The following TNNI1 variants were observed in gnomAD, a reference collection of about 807,000 sequenced individuals.
TNNI1 encodes the protein troponin I1, slow skeletal type.
TNNI1 carries 14 observed loss-of-function variants against 26.7 expected under a neutral mutation model. The ratio of observed to expected loss-of-function variants is 0.52; its 90% CI spans 0.35 to 0.82. The LOEUF (loss-of-function observed/expected upper bound fraction) is 0.82, where lower values mean the gene tolerates loss of function less well. Among genes scored for constraint, TNNI1 ranks in the 40% least tolerant of loss-of-function variants. The pLI, the probability that TNNI1 is intolerant of heterozygous loss-of-function variation, is 0.01. For missense variants in TNNI1, 164 were observed against 257.0 expected (o/e 0.64, Z 2.47); for synonymous variants, 79 against 98.2 (o/e 0.80, Z 1.16).
rs1293209850 is a variant in TNNI1, at chr1:201,411,655, G to A, written c.280-122C>T. ...ACACCTTAAATTGTCCACCCTTGAA[G>A]CCAGACCTATCAGCAGTCACCAACC... is the stretch of plus-strand genomic sequence containing the variant. On this transcript the variant is annotated intron_variant, in intron 6 of 8. Transcript: ENST00000361379. This position sits in a 1 kb window ranked among gnomAD's most constrained non-coding sequence, Gnocchi z 4.6. The A allele has an allele frequency of 9.5e-7, 1 of 1,055,622 alleles. No homozygotes were observed. Among genetic ancestry groups the A allele is most frequent in the Non-Finnish European group, 1.3e-6 (1 of 773,840 alleles). 65.4% of individuals were successfully genotyped at this position (1,055,622 alleles called of 1,614,324 possible).
At chr1:201,419,553 T>C (rs1205705336) in intron 1 of TNNI1, among the ~76,000 whole-genome samples, 1 of 152,298 alleles carries the variant, frequency 6.6e-6, no homozygotes, top group African/African-American at 2.4e-5. Context: ...AACCTTGTTG[T>C]GGGGTCTGGG....
chr1:201,421,301 T>A (rs1015703094), intron 1 of TNNI1, among the ~76,000 whole-genome samples: 3 of 152,070 alleles, frequency 2.0e-5, no homozygotes, highest in Non-Finnish European at 4.4e-5. Context: ...GGCTCTCTGA[T>A]CCCAGGGCCA....
rs199944928 is a variant in TNNI1, at chr1:201,411,510, C to T, written c.303G>A (p.Val101=). 6.2e-6 allele frequency: 10 copies of T among 1,605,972 alleles called. No individual in the cohort carries two copies. Among genetic ancestry groups the T allele is most frequent in the Non-Finnish European group, 8.5e-7 (1 of 1,176,702 alleles). Reference sequence around the variant, plus strand: ...GCTTGAACTTCCCACGGAGGTCCATCACCTTCAGCTTCAGGTCCTTAATCT... The same window carrying T: ...GCTTGAACTTCCCACGGAGGTCCATTACCTTCAGCTTCAGGTCCTTAATCT... The part of the protein sequence containing the change: ...TREIKDLKLK[V]MDLRGKFKRP... The change falls in exon 7 of 9, where the codon GTG becomes GTA. Residue 101 remains valine (V), a synonymous_variant. Transcript: ENST00000361379. The surrounding 1 kb of genome is among the most constrained non-coding windows in gnomAD (Gnocchi z 4.6).
chr1:201,414,496 C>G (rs770361157), intron 5 of TNNI1, 22 bp downstream of exon 5: 1 of 1,551,266 alleles, frequency 6.4e-7, no homozygotes, highest in Non-Finnish European at 8.7e-7. Flanking sequence ...CCACCCTGCC[C>G]CGCCCCACCT....
chr1:201,414,487 C>A, intron 5 of TNNI1, 31 bp downstream of exon 5: 2 of 1,523,854 alleles, frequency 1.3e-6, no homozygotes, highest in Middle Eastern at 2.3e-4. Context: ...CCTCCAGCCC[C>A]ACCCTGCCCC....
At chr1:201,412,228 C>T (rs1030873612) in intron 6 of TNNI1, among the ~76,000 whole-genome samples, 5 of 152,198 alleles carry the variant, frequency 3.3e-5, no homozygotes, top group Non-Finnish European at 7.3e-5. Flanking sequence ...CTGCTTCTAA[C>T]TTATTCCTCC....
Position 201,413,113 on chromosome 1 carries a change from G to C in TNNI1, c.198C>G (p.Cys66Trp). The C allele has an allele frequency of 2.5e-6, 4 of 1,613,984 alleles. No homozygotes were observed. Among genetic ancestry groups the C allele is most frequent in the Non-Finnish European group, 3.4e-6 (4 of 1,179,934 alleles). Residue 66 changes from cysteine (C) to tryptophan (W), a missense_variant, in exon 6 of 9, where the codon TGC becomes TGG. Cys to Trp is a radical substitution (Grantham distance 215). Transcript: ENST00000361379. ...CCTCCACCTTGGCGTGCAGCTCCCG[G>C]CACAGGTCCTGGGGGCCGCAGATGG... The part of the protein sequence containing the change: ...GLSLSALQDL[C>W]RELHAKVEVV...
rs184887308 is a variant in TNNI1 at position 201,418,747 on chromosome 1, G to A, written c.-19-935C>T. ...TAAGCCGCAAGGCAGGGCAAATCCC[G>A]TGTTCACCCTAGTCTGTCTTTCCCC... On this transcript the variant is annotated intron_variant, in intron 1 of 8. Transcript: ENST00000361379. Among the ~76,000 whole-genome samples, 16 of 152,316 alleles carry A rather than the reference G, an allele frequency of 1.1e-4. No individual in the cohort carries two copies. In the East Asian group the frequency reaches 1.2e-3, roughly 11 times the overall value.
intron 5 of TNNI1, 76 bp from the exon 6 acceptor site, chr1:201,413,197 TC>T: frequency 6.5e-7 from 1 of 1,534,832 alleles, no homozygotes; most frequent in African/African-American, 1.4e-5. Flanking sequence ...CTTGACCCTC[TC>T]CCCAGCCCCT....
In TNNI1 at chr1:201,411,304, A is replaced by G; in HGVS notation, c.456+53T>C. On this transcript the variant is annotated intron_variant, in intron 7 of 8. Transcript: ENST00000361379. The surrounding 1 kb of genome is among the most constrained non-coding windows in gnomAD (Gnocchi z 4.6). ...CCTGAGGCCATGTGAGGGGTTGACA[A>G]GGGGAAAGCTGGTAGGGCAGAGGGT... is the stretch of plus-strand genomic sequence containing the variant. The G allele has an allele frequency of 6.3e-7, 1 of 1,596,774 alleles. No individual in the cohort carries two copies. The highest frequency in any genetic ancestry group is 1.8e-5 in the Admixed American group (1 of 57,044).
At position 201,411,288 on chromosome 1, in the gene TNNI1, A is replaced by G; in HGVS notation, c.456+69T>C. ...GGAGCTCCTGGGCCAGCCTGAGGCC[A>G]TGTGAGGGGTTGACAAGGGGAAAGC... On this transcript the variant is annotated intron_variant, in intron 7 of 8. Coordinates refer to ENST00000361379, the MANE Select transcript of TNNI1 (RefSeq NM_003281.4). This position sits in a 1 kb window ranked among gnomAD's most constrained non-coding sequence, Gnocchi z 4.6. The G allele has an allele frequency of 6.4e-7, 1 of 1,565,630 alleles. No homozygotes were observed. Among genetic ancestry groups the G allele is most frequent in the Admixed American group, 1.8e-5 (1 of 55,938 alleles).
Position 201,406,488 on chromosome 1 carries a change from A to T in TNNI1, c.*2765T>A, listed in dbSNP as rs1354143617. 6.6e-6 allele frequency: 1 copy of T among 152,268 alleles called. No homozygotes were observed. Among genetic ancestry groups the T allele is most frequent in the Non-Finnish European group, 1.5e-5 (1 of 68,078 alleles). The allele number at this position is 152,268 out of a possible 1,614,324, so 9.4% of individuals were successfully genotyped here. A position where few individuals can be genotyped will look rare whatever the true frequency, so the allele number is the denominator to read the frequency against. On this transcript the variant is annotated 3_prime_UTR_variant, in exon 9 of 9. Transcript: ENST00000361379. ...GTTTTCCCCACTGTACCATGAGAAT[A>T]GTAGCTGTACCTTTCTCCTAGGGTT...
chr1:201,411,327 G>A lies in TNNI1; in HGVS notation c.456+30C>T. On this transcript the variant is annotated intron_variant, in intron 7 of 8. Coordinates refer to ENST00000361379, the MANE Select transcript of TNNI1 (RefSeq NM_003281.4). This position sits in a 1 kb window ranked among gnomAD's most constrained non-coding sequence, Gnocchi z 4.6. ...CAAGGGGAAAGCTGGTAGGGCAGAG[G>A]GTGGAATGTTCTGAGGAAAGGGACC... 1 of 1,610,172 alleles carries A rather than the reference G, an allele frequency of 6.2e-7. No homozygotes were observed. Among genetic ancestry groups the A allele is most frequent in the Non-Finnish European group, 8.5e-7 (1 of 1,178,368 alleles).
chr1:201,418,693 G>A (rs887913301), intron 1 of TNNI1, among the ~76,000 whole-genome samples: 2 of 152,164 alleles, frequency 1.3e-5, no homozygotes, highest in Non-Finnish European at 2.9e-5. Flanking sequence ...TCCAGGGTGG[G>A]GCAGTGGGAG....
At chr1:201,419,183 G>A (rs145723204) in intron 1 of TNNI1, among the ~76,000 whole-genome samples, 2 of 152,354 alleles carry the variant, frequency 1.3e-5, no homozygotes, top group Non-Finnish European at 2.9e-5. Context: ...GGCTCCCATA[G>A]CAGCCCTCTG....
intron 1 of TNNI1, among the ~76,000 whole-genome samples, chr1:201,419,574 T>A (rs111312957): frequency 0.023 from 3,556 of 152,194 alleles, 141 homozygotes; most frequent in African/African-American, 0.081. Flanking sequence ...AAGTGGGGAA[T>A]TAAAAGACAC....
At chr1:201,415,325 A>C in intron 3 of TNNI1, 71 bp from the exon 4 acceptor site, 2 of 1,514,186 alleles carry the variant, frequency 1.3e-6, no homozygotes, top group Non-Finnish European at 9.2e-7. Context: ...GTCTAGGACA[A>C]GACAAGTGCC....
At chr1:201,417,872 TG>T in intron 1 of TNNI1, 60 bp from the exon 2 acceptor site, 2 of 1,257,286 alleles carry the variant, frequency 1.6e-6, no homozygotes, top group Non-Finnish European at 2.1e-6. Context: ...CCTGCCCAGC[TG>T]GGCCTTGGGA....
Position 201,413,408 on chromosome 1 carries a change from CAG to C in TNNI1, c.190-289_190-288del, listed in dbSNP as rs915863159. Among the ~76,000 whole-genome samples, 38 of 137,240 alleles carry C rather than the reference CAG, an allele frequency of 2.8e-4. No individual in the cohort carries two copies. The Admixed American group carries it at 2.9e-3, about 10-fold the overall frequency. 90.0% of individuals were successfully genotyped at this position (137,240 alleles called of 152,430 possible). A position where few individuals can be genotyped will look rare whatever the true frequency, so the allele number is the denominator to read the frequency against. On this transcript the variant is annotated intron_variant, in intron 5 of 8. Coordinates refer to ENST00000361379, the MANE Select transcript of TNNI1 (RefSeq NM_003281.4). ...ACACCACTGCACTCCAGCCTGGTGA[CAG>C]AGCGAGACTCCGTCTCAAAAAAACA...
Sources: gnomAD v4.1 joint callset for allele counts (sites outside exome capture counted in the v4.1 genomes callset) on GRCh38, gnomAD v4.1.1 for gene constraint, Gnocchi (gnomAD v3.1) non-coding constraint, MANE v1.5 for transcripts, NCBI Gene and HGNC (gene_info 2026-07-23, HGNC 2026-07-21) for gene names.